Variants in LRP1B observed in about 807,000 individuals in gnomAD.
LRP1B encodes low-density lipoprotein receptor-related protein 1B.
A neutral mutation model predicts 556.6 loss-of-function variants in LRP1B; 217 were observed. That is an observed-to-expected ratio of 0.39 (90% CI 0.35 to 0.44). The LOEUF (loss-of-function observed/expected upper bound fraction) is 0.44. Ranked by LOEUF, LRP1B falls within the 20% of genes least tolerant of loss-of-function variation. LRP1B has a pLI of 1.00. For missense variants in LRP1B, 5,053 were observed against 5,620.8 expected, an observed-to-expected ratio of 0.90 and a Z score of 3.23; for synonymous variants, 2,047 against 1,865.8, an observed-to-expected ratio of 1.10 and a Z score of -2.50.
chr2:140,743,838 T>C (rs955890432), intron 35 of LRP1B, among the ~76,000 whole-genome samples: 3 of 151,168 alleles, frequency 2.0e-5, no homozygotes, highest in Non-Finnish European at 4.4e-5. Flanking sequence ...CGGGTGCCTG[T>C]AGTCACCCGC....
intron 66 of LRP1B, among the ~76,000 whole-genome samples, chr2:140,413,877 TA>T (rs1456943460): frequency 6.6e-6 from 1 of 152,178 alleles, no homozygotes; most frequent in Non-Finnish European, 1.5e-5. Flanking sequence ...TTTACTCTCT[TA>T]AAAGATAGTT....
chr2:141,014,425 G>T (rs958211490), intron 13 of LRP1B, among the ~76,000 whole-genome samples: 5 of 152,004 alleles, frequency 3.3e-5, no homozygotes, highest in African/African-American at 1.2e-4. Context: ...TGTGATAAAA[G>T]TTTAAGTCCA....
At chr2:141,511,402 T>C (rs1273895029) in intron 2 of LRP1B, among the ~76,000 whole-genome samples, 1 of 152,166 alleles carries the variant, frequency 6.6e-6, no homozygotes, top group African/African-American at 2.4e-5. Context: ...GCAAGGTATA[T>C]ATTTTTTTAG....
chr2:140,893,167 TAAAG>T (rs1275199737), intron 23 of LRP1B, among the ~76,000 whole-genome samples: 2 of 151,940 alleles, frequency 1.3e-5, no homozygotes, highest in African/African-American at 4.8e-5. Context: ...CTTCAAAAGA[TAAAG>T]AGAGGAAGAG....
In LRP1B at chr2:140,457,572, C is replaced by T. The variant is rs1315013331; in HGVS notation, c.9705G>A (p.Lys3235=). The change falls in exon 61 of 91, where the codon AAG becomes AAA. Residue 3235 remains lysine (K), a synonymous_variant. Transcript: ENST00000389484. ...ATGTTTTATGGGCACGGCTGAGTGA[C>T]TTGGTTTTCCCATCAGTCCAGTAGA... ...DYIYWTDGKT[K]SLSRAHKTSG... is the part of the protein sequence containing the mutation. The T allele has an allele frequency of 1.2e-6, 2 of 1,613,776 alleles. No individual in the cohort carries two copies. Among genetic ancestry groups the T allele is most frequent in the Non-Finnish European group, 1.7e-6 (2 of 1,179,774 alleles).
At chr2:142,117,807 CT>C (rs1381406382) in intron 1 of LRP1B, among the ~76,000 whole-genome samples, 1 of 152,144 alleles carries the variant, frequency 6.6e-6, no homozygotes, top group East Asian at 1.9e-4. Context: ...ATCAGCTGCC[CT>C]TTTGGACAGT....
At chr2:140,803,969 G>A (rs1690619694) in intron 32 of LRP1B, among the ~76,000 whole-genome samples, 2 of 149,356 alleles carry the variant, frequency 1.3e-5, no homozygotes, top group Admixed American at 6.8e-5. Flanking sequence ...AGAAAAGGTA[G>A]GGAGGGAAGG....
chr2:141,760,354 TTATG>T (rs933160688), intron 2 of LRP1B, among the ~76,000 whole-genome samples: 3 of 152,218 alleles, frequency 2.0e-5, no homozygotes, highest in African/African-American at 7.2e-5. Context: ...AGGATTCATC[TTATG>T]TTTGTGTGAA....
intron 43 of LRP1B, among the ~76,000 whole-genome samples, chr2:140,564,669 C>A (rs939917079): frequency 4.6e-5 from 7 of 152,022 alleles, no homozygotes; most frequent in Non-Finnish European, 1.0e-4. Context: ...TTATTCCAGT[C>A]ATCAATGGCT....
chr2:140,741,200 G>A (rs1322964162), intron 35 of LRP1B, among the ~76,000 whole-genome samples: 7 of 152,136 alleles, frequency 4.6e-5, no homozygotes, highest in Non-Finnish European at 8.8e-5. Flanking sequence ...TATTACATCA[G>A]CTTCACATTT....
chr2:140,740,685 G>A (rs1228954935), intron 35 of LRP1B, among the ~76,000 whole-genome samples: 2 of 152,044 alleles, frequency 1.3e-5, no homozygotes, highest in East Asian at 1.9e-4. Flanking sequence ...TATTCTCTAC[G>A]TTCTGGAAGC....
intron 2 of LRP1B, among the ~76,000 whole-genome samples, chr2:141,540,029 C>G (rs1685199657): frequency 6.6e-6 from 1 of 152,030 alleles, no homozygotes; most frequent in African/African-American, 2.4e-5. Context: ...TCCAATAGCT[C>G]CTAACTTGAA....
chr2:140,834,584 A>T (rs917423508), intron 31 of LRP1B, among the ~76,000 whole-genome samples: 1 of 152,160 alleles, frequency 6.6e-6, no homozygotes, highest in Non-Finnish European at 1.5e-5. Flanking sequence ...TCTCTTAGAT[A>T]CTACTAAGAC....
intron 3 of LRP1B, among the ~76,000 whole-genome samples, chr2:141,447,215 C>A (rs1681229161): frequency 6.6e-6 from 1 of 151,684 alleles, no homozygotes; most frequent in African/African-American, 2.4e-5. Context: ...GCTATTGATA[C>A]TTGTGTATGC....
intron 2 of LRP1B, among the ~76,000 whole-genome samples, chr2:141,698,294 G>A (rs776635739): frequency 1.3e-5 from 2 of 151,736 alleles, no homozygotes; most frequent in Non-Finnish European, 2.9e-5. Context: ...TTCCTACCGA[G>A]TAGAAAGTTT....
intron 77 of LRP1B, among the ~76,000 whole-genome samples, chr2:140,348,139 A>G (rs1250022122): frequency 6.6e-6 from 1 of 152,018 alleles, no homozygotes; most frequent in African/African-American, 2.4e-5. Flanking sequence ...TGTGTACTTC[A>G]ATATTACAGT....
chr2:140,300,390 G>T (rs74574649), intron 83 of LRP1B, among the ~76,000 whole-genome samples: 13 of 152,082 alleles, frequency 8.5e-5, no homozygotes, highest in Non-Finnish European at 1.9e-4. Flanking sequence ...ACCCTAAGAC[G>T]TTGGATTGGA....
Position 140,687,735 on chromosome 2 carries a change from A to C in LRP1B, c.6799+12515T>G, listed in dbSNP as rs189945937. Among the ~76,000 whole-genome samples, 1,308 of 152,222 alleles carry C rather than the reference A, an allele frequency of 8.6e-3. 6 individuals are homozygous for C. The highest frequency in any genetic ancestry group is 0.013 in the Non-Finnish European group (899 of 67,984). ...TTTATTCTTGCATATAAGTCTAAAA[A>C]CCCAAGACTTTCATATACCTTTTAG... On this transcript the variant is annotated intron_variant, in intron 41 of 90. Coordinates refer to ENST00000389484, the MANE Select transcript of LRP1B (RefSeq NM_018557.3).
intron 27 of LRP1B, among the ~76,000 whole-genome samples, chr2:140,864,734 C>T (rs867157495): frequency 1.3e-5 from 2 of 151,686 alleles, no homozygotes; most frequent in African/African-American, 2.4e-5. Context: ...TAGATGGCTT[C>T]GTGAATTATA....
Sources: gnomAD v4.1 joint callset for allele counts (sites outside exome capture counted in the v4.1 genomes callset) on GRCh38, gnomAD v4.1.1 for gene constraint, MANE v1.5 for transcripts, NCBI Gene and HGNC (gene_info 2026-07-23, HGNC 2026-07-21) for gene names.